Variants in GSE1 observed in about 807,000 individuals in gnomAD.
GSE1 encodes Gse1 coiled-coil protein.
GSE1 carries 32 observed loss-of-function variants against 112.6 expected under a neutral mutation model. That is an observed-to-expected ratio of 0.28 (90% CI 0.21 to 0.38). The LOEUF is 0.38. Among genes scored for constraint, GSE1 ranks in the 10% least tolerant of loss-of-function variants. The pLI is 1.00. For missense variants in GSE1, 2,348 were observed against 1,699.2 expected (o/e 1.38, Z -6.71); for synonymous variants, 1,115 against 735.6 (o/e 1.52, Z -8.35).
intron 2 of GSE1, among the ~76,000 whole-genome samples, chr16:85,478,604 A>T (rs2050537069): frequency 6.6e-6 from 1 of 150,766 alleles, no homozygotes; most frequent in Non-Finnish European, 1.5e-5. Flanking sequence ...CATGTGGGCT[A>T]GCTCTACCAT....
Position 85,499,295 on chromosome 16 carries a change from C to CTTTTTTTTTTTT in GSE1, c.2465-134597_2465-134586dup, listed in dbSNP as rs568776401. 3.9e-5 allele frequency among the ~76,000 whole-genome samples: 3 copies of CTTTTTTTTTTTT among 77,162 alleles called. 1 individual carries two copies. Among genetic ancestry groups the CTTTTTTTTTTTT allele is most frequent in the African/African-American group, 1.5e-4 (3 of 19,474 alleles). 50.6% of individuals were successfully genotyped at this position (77,162 alleles called of 152,430 possible). Reference sequence around the variant, plus strand: ...GTCAGAGAGAAGGCAGGAAAGTCACCTTTTTTTTTTTTTTTTTTTTTTTTT... The same window carrying CTTTTTTTTTTTT: ...GTCAGAGAGAAGGCAGGAAAGTCACCTTTTTTTTTTTTTTTTTTTTTTTTTTTTTTTTTTTTT... On this transcript the variant is annotated intron_variant, in intron 2 of 2. Coordinates refer to the GSE1 transcript ENST00000637419.
intron 1 of GSE1, among the ~76,000 whole-genome samples, chr16:85,331,361 G>GTATATATATATATATGTATATATA (rs1299782485): frequency 3.0e-5 from 2 of 66,978 alleles, no homozygotes; most frequent in South Asian, 5.5e-4. Context: ...GTGTGTGTGT[G>GTATATATATATATATGTATATATA]TGTGTATATA....
chr16:85,667,191 C>T (rs965252412), intron 13 of GSE1, among the ~76,000 whole-genome samples: 4 of 152,272 alleles, frequency 2.6e-5, no homozygotes, highest in African/African-American at 7.2e-5. Context: ...TTTGGCAGTG[C>T]ACCTTGTAGA....
chr16:85,462,713 CG>C (rs1343721207), intron 2 of GSE1, among the ~76,000 whole-genome samples: 603 of 11,030 alleles, frequency 0.055, 10 homozygotes, highest in African/African-American at 0.18. Context: ...GGGAGGGAGG[CG>C]GGAGGCGGGA....
chr16:85,564,716 G>A (rs1456995637), intron 1 of GSE1, among the ~76,000 whole-genome samples: 1 of 152,202 alleles, frequency 6.6e-6, no homozygotes, highest in Non-Finnish European at 1.5e-5. Context: ...CGGCAGCAGG[G>A]CCCTTTCCAG....
rs115808616 is a variant in GSE1, at chr16:85,375,019, C to T, written c.2464+17376C>T. On this transcript the variant is annotated intron_variant, in intron 2 of 2. Transcript: ENST00000637419. ...CCAGCGTTCTGGGTTTTGATCCTGG[C>T]GCAGCCACTCGCTGCTGTGTGACCT... Among the ~76,000 whole-genome samples the T allele has an allele frequency of 9.9e-3, 1,502 of 152,288 alleles. 28 individuals carry two copies. The highest frequency in any genetic ancestry group is 0.034 in the African/African-American group (1,395 of 41,572).
intron 1 of GSE1, among the ~76,000 whole-genome samples, chr16:85,173,980 A>G (rs1318557910): frequency 6.6e-6 from 1 of 152,220 alleles, no homozygotes; most frequent in Non-Finnish European, 1.5e-5. Flanking sequence ...ACCAAGACTC[A>G]GAGAAGTCAG....
intron 1 of GSE1, among the ~76,000 whole-genome samples, chr16:85,193,503 A>G (rs1210326784): frequency 6.6e-6 from 1 of 151,902 alleles, no homozygotes; most frequent in Non-Finnish European, 1.5e-5. Flanking sequence ...CCTGTCGCCC[A>G]GGCTGAAGTG....
chr16:85,543,275 A>G (rs1238379327), intron 2 of GSE1, among the ~76,000 whole-genome samples: 1 of 151,876 alleles, frequency 6.6e-6, no homozygotes, highest in East Asian at 1.9e-4. Context: ...TAGCTGTTCC[A>G]GGGGCTAGGA....
chr16:85,257,694 C>A (rs1048808936), intron 1 of GSE1, among the ~76,000 whole-genome samples: 1 of 152,182 alleles, frequency 6.6e-6, no homozygotes, highest in African/African-American at 2.4e-5. Context: ...ACCTGTGGTC[C>A]CAGCTACTGG....
intron 2 of GSE1, among the ~76,000 whole-genome samples, chr16:85,362,067 TC>T (rs1368453470): frequency 2.6e-5 from 4 of 152,068 alleles, no homozygotes; most frequent in Non-Finnish European, 1.5e-5. Context: ...GGAGTACAGC[TC>T]CAGGGCTGGG....
chr16:85,458,245 CTT>C (rs2049885486), intron 2 of GSE1, among the ~76,000 whole-genome samples: 1 of 152,258 alleles, frequency 6.6e-6, no homozygotes. Flanking sequence ...CCGTGGGACA[CTT>C]CAGAAAAGGC....
intron 1 of GSE1, among the ~76,000 whole-genome samples, chr16:85,331,365 GTATATA>G (rs1169859492): frequency 6.9e-5 from 7 of 101,136 alleles, no homozygotes; most frequent in Non-Finnish European, 1.1e-4. Flanking sequence ...GTGTGTGTGT[GTATATA>G]TGTATATATA....
chr16:85,630,696 C>T (rs988304362), intron 1 of GSE1, among the ~76,000 whole-genome samples: 13 of 152,188 alleles, frequency 8.5e-5, no homozygotes, highest in East Asian at 1.9e-4. Flanking sequence ...GCCTTCTGAT[C>T]GGGTGCCATG....
intron 1 of GSE1, among the ~76,000 whole-genome samples, chr16:85,233,476 C>T (rs1904314115): frequency 6.6e-6 from 1 of 152,214 alleles, no homozygotes; most frequent in South Asian, 2.1e-4. Flanking sequence ...GGGGTGGGAA[C>T]TGCTCTGACA....
intron 1 of GSE1, among the ~76,000 whole-genome samples, chr16:85,220,214 T>C (rs984086894): frequency 2.0e-5 from 3 of 152,222 alleles, no homozygotes; most frequent in Admixed American, 6.5e-5. Flanking sequence ...TTTCAAGAGC[T>C]CTTCCTGGTC....
intron 2 of GSE1, among the ~76,000 whole-genome samples, chr16:85,478,109 A>G (rs1007563386): frequency 6.6e-6 from 1 of 152,096 alleles, no homozygotes; most frequent in Non-Finnish European, 1.5e-5. Context: ...ATTTCAGAGA[A>G]ATGGACCTCC....
At chr16:85,308,241 A>G (rs1248872878) in intron 1 of GSE1, among the ~76,000 whole-genome samples, 1 of 152,194 alleles carries the variant, frequency 6.6e-6, no homozygotes, top group Non-Finnish European at 1.5e-5. Context: ...CCTAGCTGGA[A>G]TCTCAGAGGG....
At chr16:85,624,659 C>G (rs553285593) in intron 1 of GSE1, among the ~76,000 whole-genome samples, 1 of 152,224 alleles carries the variant, frequency 6.6e-6, no homozygotes, top group Non-Finnish European at 1.5e-5. Flanking sequence ...ACATGTGACC[C>G]GGGTTGAGGG....
Sources: allele counts gnomAD v4.1 joint callset (sites outside exome capture counted in the v4.1 genomes callset), GRCh38; gene constraint gnomAD v4.1.1; transcripts MANE v1.5; gene names NCBI Gene and HGNC (gene_info 2026-07-23, HGNC 2026-07-21).